Variants in FGD5 observed in about 807,000 individuals in gnomAD.
The protein encoded by FGD5 is FYVE, RhoGEF and PH domain containing 5, also known as FYVE, RhoGEF and PH domain-containing protein 5.
FGD5 carries 28 observed loss-of-function variants against 133.4 expected under a neutral mutation model. The observed-to-expected ratio is 0.21, with a 90% CI of 0.16 to 0.29. The LOEUF (loss-of-function observed/expected upper bound fraction) is 0.29. FGD5 is among the 10% of genes least tolerant of loss of function. FGD5 has a pLI of 1.00. For missense variants in FGD5, 1,858 were observed against 1,895.2 expected, an observed-to-expected ratio of 0.98 and a Z score of 0.36; for synonymous variants, 810 against 776.5, an observed-to-expected ratio of 1.04 and a Z score of -0.72.
chr3:14,841,080 T>G (rs935208939), intron 1 of FGD5, among the ~76,000 whole-genome samples: 3 of 152,234 alleles, frequency 2.0e-5, no homozygotes, highest in African/African-American at 7.2e-5. Context: ...TTGGCTGTTT[T>G]GTAAAGAACA....
At chr3:14,833,317 G>GT (rs2036754247) in intron 1 of FGD5, among the ~76,000 whole-genome samples, 1 of 152,144 alleles carries the variant, frequency 6.6e-6, no homozygotes, top group Admixed American at 6.5e-5. Context: ...TTAGAGCCCT[G>GT]GATAGGGCCC....
Position 14,819,648 on chromosome 3 carries a change from G to A in FGD5, c.577G>A (p.Asp193Asn), listed in dbSNP as rs147290019. Residue 193 changes from aspartate (D) to asparagine (N), a missense_variant, in exon 1 of 20, where the codon GAC (aspartate) becomes AAC (asparagine). Asp to Asn is a conservative substitution (Grantham distance 23). Around this residue, in one of 3 missense-constraint regions of FGD5, gnomAD observed 1,824 missense variants for 1,848.9 expected, o/e 0.99. Transcript: ENST00000285046. The surrounding 1 kb of genome is among the most constrained non-coding windows in gnomAD (Gnocchi z 4.1). ...GGCTGGAGAGGGGGTCTTCCAGAGCGACCTCCTCCTGCCTCACATCCATGG... is the reference window on the plus strand; with the variant it reads ...GGCTGGAGAGGGGGTCTTCCAGAGCAACCTCCTCCTGCCTCACATCCATGG... ...PWAGEGVFQSDLLLPHIHGED... is the reference protein window; with the variant it reads ...PWAGEGVFQSNLLLPHIHGED... The A allele has an allele frequency of 1.2e-4, 187 of 1,549,710 alleles. 1 individual carries two copies. The East Asian group carries it at 4.1e-3, about 34-fold the overall frequency.
At chr3:14,836,296 TC>T (rs1663120459) in intron 1 of FGD5, among the ~76,000 whole-genome samples, 1 of 152,304 alleles carries the variant, frequency 6.6e-6, no homozygotes, top group African/African-American at 2.4e-5. Flanking sequence ...GCATCTGGTT[TC>T]CAGGGAGGTC....
intron 1 of FGD5, among the ~76,000 whole-genome samples, chr3:14,859,949 T>C (rs1287977908): frequency 6.6e-6 from 1 of 152,214 alleles, no homozygotes; most frequent in African/African-American, 2.4e-5. Flanking sequence ...AATATATTCA[T>C]ATATAATAAC....
intron 2 of FGD5, among the ~76,000 whole-genome samples, chr3:14,869,835 C>T (rs2037570608): frequency 6.6e-6 from 1 of 152,254 alleles, no homozygotes; most frequent in Admixed American, 6.5e-5. Context: ...TTTGCCCATT[C>T]ATTCATTGAC....
In FGD5 at chr3:14,914,144, G is replaced by A. The variant is rs139241066; in HGVS notation, c.3406-3105G>A. 2.0e-3 allele frequency among the ~76,000 whole-genome samples: 298 copies of A among 152,338 alleles called. 1 individual carries two copies. Among genetic ancestry groups the A allele is most frequent in the Middle Eastern group, 3.4e-3 (1 of 294 alleles). On this transcript the variant is annotated intron_variant, in intron 11 of 19. Coordinates refer to ENST00000285046, the MANE Select transcript of FGD5 (RefSeq NM_152536.4). ...ATGGAGGGATACATGGGAGGAGGGC[G>A]GCCCGACAGGTGCTCAAGCCAGGGA...
At chr3:14,898,704 C>T in intron 6 of FGD5, 35 bp from the exon 7 acceptor site, 1 of 1,544,238 alleles carries the variant, frequency 6.5e-7, no homozygotes, top group South Asian at 1.2e-5. Flanking sequence ...GGAGGGGTTT[C>T]TGATAAGGTT....
Position 14,933,285 on chromosome 3 carries a change from A to AATATTTTATT in FGD5, c.*118_*119insATATTTTATT. On this transcript the variant is annotated 3_prime_UTR_variant, in exon 20 of 20. Coordinates refer to ENST00000285046, the MANE Select transcript of FGD5 (RefSeq NM_152536.4). ...CACCTGGATTCAGCAATGAGGCCTG[A>AATATTTTATT]CCTTTTTTGCTATAACCGCCCCACC... The AATATTTTATT allele has an allele frequency of 8.3e-7, 1 of 1,209,072 alleles. No homozygotes were observed. Among genetic ancestry groups the AATATTTTATT allele is most frequent in the Non-Finnish European group, 1.2e-6 (1 of 836,444 alleles). The allele number at this position is 1,209,072 out of a possible 1,614,324, so 74.9% of individuals were successfully genotyped here. A position where few individuals can be genotyped will look rare whatever the true frequency, so the allele number is the denominator to read the frequency against.
At chr3:14,902,908 C>A (rs564546863) in intron 9 of FGD5, among the ~76,000 whole-genome samples, 1 of 152,146 alleles carries the variant, frequency 6.6e-6, no homozygotes, top group Admixed American at 6.5e-5. Context: ...CCGGAGCAGC[C>A]GACGGCCAGA....
At chr3:14,818,358 T>C (rs2036411082), upstream of FGD5, among the ~76,000 whole-genome samples, 1 of 152,144 alleles carries the variant, frequency 6.6e-6, no homozygotes, top group Admixed American at 6.5e-5. Flanking sequence ...GTGTCATTCA[T>C]GAAGGGATGA....
chr3:14,851,317 A>G (rs2037159510), intron 1 of FGD5, among the ~76,000 whole-genome samples: 1 of 152,252 alleles, frequency 6.6e-6, no homozygotes, highest in African/African-American at 2.4e-5. Context: ...TCCATGTTAT[A>G]GATGAGGAAA....
At chr3:14,844,257 TATA>T (rs1559477501) in intron 1 of FGD5, among the ~76,000 whole-genome samples, 8 of 69,338 alleles carry the variant, frequency 1.2e-4, no homozygotes, top group Non-Finnish European at 2.3e-4. Flanking sequence ...TATATATATA[TATA>T]TATATATATA....
chr3:14,819,563 G>A lies in FGD5; in HGVS notation c.492G>A (p.Glu164=), dbSNP rs1300110060. Residue 164 remains glutamate, a synonymous_variant, in exon 1 of 20, where the codon GAG becomes GAA. Transcript: ENST00000285046. The surrounding 1 kb of genome is among the most constrained non-coding windows in gnomAD (Gnocchi z 4.1). ...CACTGGAGCAGGTGTCCAGAAGTGA[G>A]GAGGAAGAGAAGCTAGTGCAGCCAC... ...PGTLEQVSRS[E]EEEKLVQPHR... The A allele has an allele frequency of 4.5e-6, 7 of 1,551,474 alleles. No individual in the cohort carries two copies. The South Asian group carries it at 8.3e-5, about 18-fold the overall frequency.
chr3:14,883,468 A>G (rs542661074), intron 4 of FGD5, among the ~76,000 whole-genome samples: 107 of 152,276 alleles, frequency 7.0e-4, no homozygotes, highest in African/African-American at 2.5e-3. Context: ...TCATGCATCA[A>G]GTGACACAAC....
intron 1 of FGD5, among the ~76,000 whole-genome samples, chr3:14,826,368 A>G (rs2036598436): frequency 1.3e-5 from 2 of 151,270 alleles, no homozygotes. Flanking sequence ...TTCTTGACAC[A>G]TTTATGGTAG....
Position 14,820,739 on chromosome 3 carries a change from A to G in FGD5, c.1668A>G (p.Arg556=), listed in dbSNP as rs1304912032. 1 of 1,608,816 alleles carries G rather than the reference A, an allele frequency of 6.2e-7. No individual in the cohort carries two copies. ...LYPRSFSVEG[R]EIPVSVYQEP... Reference sequence around the variant, plus strand: ...CTCGGTCGTTCTCCGTGGAAGGCCGAGAGATTCCAGTGTCCGTGTACCAGG... The same window carrying G: ...CTCGGTCGTTCTCCGTGGAAGGCCGGGAGATTCCAGTGTCCGTGTACCAGG... Residue 556 remains arginine (R), a synonymous_variant, in exon 1 of 20, where the codon CGA becomes CGG. Transcript: ENST00000285046.
chr3:14,880,077 TG>T (rs1413066682), intron 2 of FGD5, among the ~76,000 whole-genome samples: 1 of 152,214 alleles, frequency 6.6e-6, no homozygotes, highest in Admixed American at 6.5e-5. Context: ...CTGGGCTCGG[TG>T]GCTCATGCCT....
In FGD5 at chr3:14,820,881, A is replaced by G. The variant is rs753409024; in HGVS notation, c.1810A>G (p.Ser604Gly). 1.1e-5 allele frequency: 17 copies of G among 1,613,714 alleles called. No individual in the cohort carries two copies. In the South Asian group the frequency reaches 1.2e-4, roughly 11 times the overall value. ...CTCCCAGAGAAACCACCTTCCGTCC[A>G]GCGGCACCTCCACGCCTTCTTCCAT... ...SFSQRNHLPS[S>G]GTSTPSSMVD... The change falls in exon 1 of 20, where the codon AGC becomes GGC. Residue 604 changes from serine (S) to glycine (G), a missense_variant. Transcript: ENST00000285046.
chr3:14,889,712 G>A (rs1006600876), intron 4 of FGD5, among the ~76,000 whole-genome samples: 3 of 152,132 alleles, frequency 2.0e-5, no homozygotes, highest in Admixed American at 1.3e-4. Flanking sequence ...TGTTGGTATT[G>A]TCGGCCTCTG....
Sources: gnomAD v4.1 joint callset for allele counts (sites outside exome capture counted in the v4.1 genomes callset) on GRCh38, gnomAD v4.1.1 for gene constraint, gnomAD v4.1.1 regional missense constraint, Gnocchi (gnomAD v3.1) non-coding constraint, MANE v1.5 for transcripts, NCBI Gene and HGNC (gene_info 2026-07-23, HGNC 2026-07-21) for gene names.